ZKSCAN3: variants seen among roughly 807,000 people sequenced by gnomAD.
ZKSCAN3 encodes zinc finger protein with KRAB and SCAN domains 3.
Under a neutral mutation model 30.7 loss-of-function variants are expected in ZKSCAN3, and 21 were observed. The observed-to-expected ratio is 0.68, with a 90% CI of 0.49 to 0.99. The LOEUF is 0.99. Ranked by LOEUF, ZKSCAN3 falls within the 50% of genes least tolerant of loss-of-function variation. The pLI, the probability that ZKSCAN3 is intolerant of heterozygous loss-of-function variation, is 0.00. For synonymous variants in ZKSCAN3, 201 were observed against 246.7 expected, an observed-to-expected ratio of 0.81 and a Z score of 1.73; for missense variants, 507 against 647.1, an observed-to-expected ratio of 0.78 and a Z score of 2.35.
chr6:28,358,153 A>G lies in ZKSCAN3; in HGVS notation c.-62-1372A>G, dbSNP rs546901191. 2.6e-5 allele frequency among the ~76,000 whole-genome samples: 4 copies of G among 152,288 alleles called. No homozygotes were observed. In the South Asian group the frequency reaches 8.3e-4, roughly 32 times the overall value. On this transcript the variant is annotated intron_variant, in intron 1 of 5. Transcript: ENST00000252211. ...GCTCAAGTCTTACATAAAATGGCATATAGTATTTTCCTATAACCTACACAC... is the reference window on the plus strand; with the variant it reads ...GCTCAAGTCTTACATAAAATGGCATGTAGTATTTTCCTATAACCTACACAC...
rs9468350 is a variant in ZKSCAN3 at position 28,351,330 on chromosome 6, A to G, written c.-63+1263A>G. Among the ~76,000 whole-genome samples the G allele has an allele frequency of 0.31, 46,797 of 151,868 alleles. 9,144 individuals are homozygous for G. The highest frequency in any genetic ancestry group is 0.56 in the African/African-American group (22,978 of 41,352). On this transcript the variant is annotated intron_variant, in intron 1 of 5. Coordinates refer to ENST00000252211, the MANE Select transcript of ZKSCAN3 (RefSeq NM_024493.4). The surrounding 1 kb of genome is among the most constrained non-coding windows in gnomAD (Gnocchi z 4.6). ...CTGCCATAGACTTCCTCCCTTCCCCACCGTGGACACCCTCCTCATTCCACT... is the reference window on the plus strand; with the variant it reads ...CTGCCATAGACTTCCTCCCTTCCCCGCCGTGGACACCCTCCTCATTCCACT...
intron 1 of ZKSCAN3, among the ~76,000 whole-genome samples, chr6:28,356,479 G>A (rs1262910131): frequency 6.6e-6 from 1 of 152,210 alleles, no homozygotes; most frequent in Non-Finnish European, 1.5e-5. Context: ...GGCACTGCTT[G>A]CCTAACTCCC....
rs1765954891 is a variant in ZKSCAN3, at chr6:28,366,129, AAGT to A, written c.1462_1464del (p.Ser488del). On this transcript the variant is annotated inframe_deletion, in exon 6 of 6. Transcript: ENST00000252211. ...CTTATAAATGTAATGAGTGTGAAAG[AAGT>A]TTCACTCAGAATACAGGCCTCATTG... is the stretch of plus-strand genomic sequence containing the variant. 1 of 1,611,090 alleles carries A rather than the reference AAGT, an allele frequency of 6.2e-7. No homozygotes were observed. Among genetic ancestry groups the A allele is most frequent in the South Asian group, 1.1e-5 (1 of 90,764 alleles).
chr6:28,359,837 A>G lies in ZKSCAN3; in HGVS notation c.251A>G (p.Gln84Arg), dbSNP rs200907251. 298 of 1,608,850 alleles carry G rather than the reference A, an allele frequency of 1.9e-4. No individual in the cohort carries two copies. Among genetic ancestry groups the G allele is most frequent in the Middle Eastern group, 8.3e-4 (5 of 6,026 alleles). ...CAGCCTGAGATGCACAGCAAGGAGC[A>G]GATCCTGGAGCTGCTGGTGCTGGAG... is the stretch of plus-strand genomic sequence containing the variant. ...WLQPEMHSKE[Q>R]ILELLVLEQF... The change falls in exon 2 of 6, where the codon CAG becomes CGG. Residue 84 changes from glutamine (Q) to arginine (R), a missense_variant. Gln to Arg is a conservative substitution (Grantham distance 43). Coordinates refer to ENST00000252211, the MANE Select transcript of ZKSCAN3 (RefSeq NM_024493.4).
rs1227467915 is a variant in ZKSCAN3 at position 28,359,649 on chromosome 6, G to A, written c.63G>A (p.Glu21=). ...LDAQSTEDQM[E]LLVIKVEEEE... ...CCCAGTCTACAGAAGACCAGATGGA[G>A]CTTCTGGTCATAAAGGTGGAGGAAG... Residue 21 remains glutamate, a synonymous_variant, in exon 2 of 6, where the codon GAG becomes GAA. Transcript: ENST00000252211. 1.2e-6 allele frequency: 2 copies of A among 1,614,236 alleles called. No homozygotes were observed. Among genetic ancestry groups the A allele is most frequent in the South Asian group, 1.1e-5 (1 of 91,088 alleles).
chr6:28,364,576 C>T lies in ZKSCAN3; in HGVS notation c.757+761C>T, dbSNP rs372826663. Among the ~76,000 whole-genome samples the T allele has an allele frequency of 3.9e-5, 6 of 152,308 alleles. No homozygotes were observed. In the South Asian group the frequency reaches 6.2e-4, roughly 16 times the overall value. On this transcript the variant is annotated intron_variant, in intron 5 of 5. Transcript: ENST00000252211. ...AAGATTGCCTGATTGTCTGAGGCCA[C>T]GTAGCTAATTGGTGGCATAAAATTC...
chr6:28,367,405 C>T lies in ZKSCAN3; in HGVS notation c.*1120C>T, dbSNP rs1246212624. 6.6e-6 allele frequency: 1 copy of T among 151,584 alleles called. No homozygotes were observed. The highest frequency in any genetic ancestry group is 1.5e-5 in the Non-Finnish European group (1 of 67,968). 9.4% of individuals were successfully genotyped at this position (151,584 alleles called of 1,614,324 possible). ...ATCCTGGGCAATCCTCCTGCCTCAC[C>T]CTCTCAAGTACTGGAATTACAGGCG... On this transcript the variant is annotated 3_prime_UTR_variant, in exon 6 of 6. Transcript: ENST00000252211.
intron 3 of ZKSCAN3, 141 bp from the exon 4 acceptor site, chr6:28,363,162 C>A: frequency 1.5e-6 from 1 of 680,966 alleles, no homozygotes; most frequent in Non-Finnish European, 2.5e-6. Flanking sequence ...GTGGCTCAAT[C>A]ACAGCTCATT....
chr6:28,356,640 T>G (rs991362612), intron 1 of ZKSCAN3, among the ~76,000 whole-genome samples: 1 of 152,230 alleles, frequency 6.6e-6, no homozygotes, highest in Non-Finnish European at 1.5e-5. Flanking sequence ...TCCTCCTCCC[T>G]GCACTGCGTC....
rs746564908 is a variant in ZKSCAN3, at chr6:28,365,930, C to A, written c.1262C>A (p.Thr421Asn). 2 of 1,613,702 alleles carry A rather than the reference C, an allele frequency of 1.2e-6. No homozygotes were observed. Among genetic ancestry groups the A allele is most frequent in the Non-Finnish European group, 1.7e-6 (2 of 1,179,846 alleles). ...CSLLEHHRIH[T>N]GEKPYQCSMC... ...CTCCTTGAACATCACAGAATCCACA[C>A]TGGGGAGAAGCCGTATCAGTGCAGT... The change falls in exon 6 of 6, where the codon ACT becomes AAT. Residue 421 changes from threonine to asparagine, a missense_variant. Coordinates refer to ENST00000252211, the MANE Select transcript of ZKSCAN3 (RefSeq NM_024493.4).
At chr6:28,357,585 G>A (rs1202056581) in intron 1 of ZKSCAN3, among the ~76,000 whole-genome samples, 1 of 152,236 alleles carries the variant, frequency 6.6e-6, no homozygotes, top group Non-Finnish European at 1.5e-5. Context: ...AGCACCTTTG[G>A]TTCCTTCTGC....
chr6:28,365,841 C>G lies in ZKSCAN3; in HGVS notation c.1173C>G (p.Thr391=), dbSNP rs1765940170. Residue 391 remains threonine, a synonymous_variant, in exon 6 of 6, where the codon ACC becomes ACG. Coordinates refer to ENST00000252211, the MANE Select transcript of ZKSCAN3 (RefSeq NM_024493.4). ...CAGACCTTATCAAGCATCAGAGAACCCACACTGGGGAGAAGCCCTATGAGT... is the reference window on the plus strand; with the variant it reads ...CAGACCTTATCAAGCATCAGAGAACGCACACTGGGGAGAAGCCCTATGAGT... ...HSSDLIKHQR[T]HTGEKPYECD... is the part of the protein sequence containing the mutation. 1 of 1,613,976 alleles carries G rather than the reference C, an allele frequency of 6.2e-7. No individual in the cohort carries two copies. Among genetic ancestry groups the G allele is most frequent in the African/African-American group, 1.3e-5 (1 of 74,920 alleles).
Position 28,363,216 on chromosome 6 carries a change from A to G in ZKSCAN3, c.551-87A>G, listed in dbSNP as rs1581739413. ...GCTCAATCAAGTGAGACAGGAATCTATTAATCCAGTTATTTAACTTAGATT... is the reference window on the plus strand; with the variant it reads ...GCTCAATCAAGTGAGACAGGAATCTGTTAATCCAGTTATTTAACTTAGATT... On this transcript the variant is annotated intron_variant, in intron 3 of 5. Transcript: ENST00000252211. The G allele has an allele frequency of 1.3e-5, 16 of 1,191,342 alleles. 1 individual carries two copies. The highest frequency in any genetic ancestry group is 7.7e-5 in the African/African-American group (5 of 65,022). 73.8% of individuals were successfully genotyped at this position (1,191,342 alleles called of 1,614,324 possible).
chr6:28,359,550 A>G lies in ZKSCAN3; in HGVS notation c.-37A>G. On this transcript the variant is annotated 5_prime_UTR_variant, in exon 2 of 6. Transcript: ENST00000252211. ...GGATCTTCTGCAGAAATAGCGCTGGAAGCTAGAGTGAGGCCTGAGTACTGC... is the reference window on the plus strand; with the variant it reads ...GGATCTTCTGCAGAAATAGCGCTGGGAGCTAGAGTGAGGCCTGAGTACTGC... The G allele has an allele frequency of 1.9e-6, 3 of 1,592,446 alleles. No homozygotes were observed. Among genetic ancestry groups the G allele is most frequent in the Non-Finnish European group, 2.6e-6 (3 of 1,167,802 alleles).
Position 28,368,532 on chromosome 6 carries a change from G to C in ZKSCAN3, c.*2247G>C, listed in dbSNP as rs1000320537. 5 of 152,046 alleles carry C rather than the reference G, an allele frequency of 3.3e-5. No homozygotes were observed. The highest frequency in any genetic ancestry group is 1.2e-4 in the African/African-American group (5 of 41,332). The allele number at this position is 152,046 out of a possible 1,614,324, so 9.4% of individuals were successfully genotyped here. A position where few individuals can be genotyped will look rare whatever the true frequency, so the allele number is the denominator to read the frequency against. ...ATTCAAGTGAGAAAATTTTTAGTCA[G>C]CATTATACAAGTAGTATTTATTATG... On this transcript the variant is annotated 3_prime_UTR_variant, in exon 6 of 6. Coordinates refer to ENST00000252211, the MANE Select transcript of ZKSCAN3 (RefSeq NM_024493.4).
intron 4 of ZKSCAN3, 25 bp downstream of exon 4, chr6:28,363,410 C>A (rs771533747): frequency 1.1e-5 from 17 of 1,604,686 alleles, no homozygotes; most frequent in South Asian, 1.1e-5. Context: ...TATCCCTCCC[C>A]CAATGCCCCT....
At chr6:28,353,680 G>A (rs915739442) in intron 1 of ZKSCAN3, among the ~76,000 whole-genome samples, 1 of 152,158 alleles carries the variant, frequency 6.6e-6, no homozygotes, top group African/African-American at 2.4e-5. Context: ...CTCAGGATAG[G>A]GATCAGGAGT....
At chr6:28,360,458 T>C in intron 2 of ZKSCAN3, 2 of 553,602 alleles carry the variant, frequency 3.6e-6, no homozygotes, top group Non-Finnish European at 4.6e-6. Context: ...GCTAACTTTC[T>C]CTTAAAGACT....
chr6:28,352,964 CT>C (rs5875156), intron 1 of ZKSCAN3, among the ~76,000 whole-genome samples: 34,221 of 129,532 alleles, frequency 0.26, 3,768 homozygotes, highest in African/African-American at 0.38. Context: ...TTTTCTTTTT[CT>C]TTTTTTTTTT....
Sources: allele counts gnomAD v4.1 joint callset (sites outside exome capture counted in the v4.1 genomes callset), GRCh38; gene constraint gnomAD v4.1.1; non-coding constraint Gnocchi (gnomAD v3.1); transcripts MANE v1.5; gene names NCBI Gene and HGNC (gene_info 2026-07-23, HGNC 2026-07-21).